Variants in MTMR2 observed in about 807,000 individuals in gnomAD.
The protein encoded by MTMR2 is phosphatidylinositol-3,5-bisphosphate 3-phosphatase MTMR2.
MTMR2 carries 55 observed loss-of-function variants against 86.9 expected under a neutral mutation model. The ratio of observed to expected loss-of-function variants is 0.63; its 90% CI spans 0.51 to 0.79. The LOEUF (loss-of-function observed/expected upper bound fraction) is 0.79, where lower values mean the gene tolerates loss of function less well. Among genes scored for constraint, MTMR2 ranks in the 30% least tolerant of loss-of-function variants. The pLI is 0.00. For synonymous variants in MTMR2, 241 were observed against 266.8 expected (o/e 0.90, Z 0.94); for missense variants, 659 against 772.3 (o/e 0.85, Z 1.74).
intron 12 of MTMR2, among the ~76,000 whole-genome samples, chr11:95,838,994 C>T (rs532587131): frequency 4.6e-5 from 7 of 151,964 alleles, no homozygotes; most frequent in South Asian, 2.1e-4. Flanking sequence ...TAGGGCTGTA[C>T]GTGATAAGAA....
chr11:95,873,556 A>G (rs1336895901), intron 2 of MTMR2, among the ~76,000 whole-genome samples: 1 of 152,034 alleles, frequency 6.6e-6, no homozygotes, highest in East Asian at 1.9e-4. Context: ...CAGCTCCTGG[A>G]TTCACTGATT....
intron 1 of MTMR2, among the ~76,000 whole-genome samples, chr11:95,889,082 T>C (rs2135551094): frequency 6.6e-6 from 1 of 152,210 alleles, no homozygotes; most frequent in South Asian, 2.1e-4. Flanking sequence ...ACTTCTTCCA[T>C]TATAAGTAAT....
At chr11:95,902,481 C>T (rs1290012536) in intron 1 of MTMR2, among the ~76,000 whole-genome samples, 1 of 152,258 alleles carries the variant, frequency 6.6e-6, no homozygotes, top group East Asian at 1.9e-4. Flanking sequence ...TTACAACTAT[C>T]CACATTAAAA....
intron 10 of MTMR2, among the ~76,000 whole-genome samples, chr11:95,847,190 T>C (rs1171045379): frequency 6.6e-6 from 1 of 152,174 alleles, no homozygotes; most frequent in African/African-American, 2.4e-5. Flanking sequence ...CTGATCAGAA[T>C]GGTTTTAACT....
At chr11:95,919,964 G>A (rs973502925) in intron 1 of MTMR2, among the ~76,000 whole-genome samples, 2 of 152,068 alleles carry the variant, frequency 1.3e-5, no homozygotes, top group Non-Finnish European at 2.9e-5. Context: ...ACCAGACTAA[G>A]ATGGCAGATT....
At chr11:95,908,028 C>A in intron 1 of MTMR2, 2 of 206,962 alleles carry the variant, frequency 9.7e-6, no homozygotes, top group Non-Finnish European at 2.0e-5. Flanking sequence ...GAAATAAAAG[C>A]ATCCAAATAA....
intron 10 of MTMR2, 103 bp from the exon 11 acceptor site, chr11:95,845,262 T>C (rs1300044165): frequency 9.9e-7 from 1 of 1,012,736 alleles, no homozygotes; most frequent in Non-Finnish European, 1.5e-6. Context: ...TTCAATAACA[T>C]GAGGAAAAAC....
chr11:95,920,245 A>T (rs1411339010), intron 1 of MTMR2, among the ~76,000 whole-genome samples: 1 of 152,208 alleles, frequency 6.6e-6, no homozygotes, highest in Non-Finnish European at 1.5e-5. Context: ...GATATACAAG[A>T]GTTGCTGAAC....
chr11:95,853,343 C>T (rs980753594), intron 7 of MTMR2, among the ~76,000 whole-genome samples: 3 of 152,056 alleles, frequency 2.0e-5, no homozygotes, highest in Admixed American at 2.0e-4. Flanking sequence ...CTTACCACCA[C>T]TTCCCTAATT....
At chr11:95,910,185 A>G (rs181138634) in intron 1 of MTMR2, among the ~76,000 whole-genome samples, 9 of 151,852 alleles carry the variant, frequency 5.9e-5, no homozygotes, top group Admixed American at 4.6e-4. Flanking sequence ...CAGAAGACAG[A>G]CCCAAAACTT....
chr11:95,879,625 C>T (rs907121707), intron 2 of MTMR2, among the ~76,000 whole-genome samples: 1 of 152,172 alleles, frequency 6.6e-6, no homozygotes, highest in African/African-American at 2.4e-5. Flanking sequence ...TATCACTCCA[C>T]CTACTATCGC....
chr11:95,902,889 A>G (rs1055159435), intron 1 of MTMR2, among the ~76,000 whole-genome samples: 6 of 152,162 alleles, frequency 3.9e-5, no homozygotes, highest in Non-Finnish European at 5.9e-5. Flanking sequence ...ACCTCATGCC[A>G]TCAGACTACA....
chr11:95,884,654 CTTTT>C (rs1282904777), intron 2 of MTMR2, among the ~76,000 whole-genome samples: 2 of 152,122 alleles, frequency 1.3e-5, no homozygotes, highest in Non-Finnish European at 2.9e-5. Context: ...GCAGGCTAGA[CTTTT>C]TTTAATTGTT....
rs186380748 is a variant in MTMR2, at chr11:95,857,602, G to C, written c.604C>G (p.Pro202Ala). Residue 202 changes from proline (P) to alanine (A), a missense_variant, in exon 7 of 15, where the codon CCT becomes GCT. Physicochemically the swap from Pro to Ala is conservative, Grantham distance 27. Around this residue, in one of 3 missense-constraint regions of MTMR2, gnomAD observed 387 missense variants for 526.3 expected, o/e 0.74. Coordinates refer to ENST00000346299, the MANE Select transcript of MTMR2 (RefSeq NM_016156.6). ...LFAFEYKEVF[P>A]ENGWKLYDPL... Reference sequence around the variant, plus strand: ...TCATATAGCTTCCACCCATTTTCAGGGAATACTTCTTTGTATTCAAAAGCA... The same window carrying C: ...TCATATAGCTTCCACCCATTTTCAGCGAATACTTCTTTGTATTCAAAAGCA... 448 of 1,612,234 alleles carry C rather than the reference G, an allele frequency of 2.8e-4. 1 individual carries two copies. The highest frequency in any genetic ancestry group is 4.5e-4 in the South Asian group (41 of 91,008).
chr11:95,847,997 C>T, intron 9 of MTMR2, 98 bp from the exon 10 acceptor site: 2 of 1,205,956 alleles, frequency 1.7e-6, no homozygotes, highest in Non-Finnish European at 2.4e-6. Context: ...ATACATATTA[C>T]TGGAGACAAG....
chr11:95,872,598 A>C (rs1338855995), intron 2 of MTMR2, among the ~76,000 whole-genome samples: 1 of 151,558 alleles, frequency 6.6e-6, no homozygotes, highest in Non-Finnish European at 1.5e-5. Context: ...AATTGAATAC[A>C]CTTTATTTCC....
At chr11:95,921,128 G>A (rs1441988186) in intron 1 of MTMR2, among the ~76,000 whole-genome samples, 2 of 152,152 alleles carry the variant, frequency 1.3e-5, no homozygotes, top group Non-Finnish European at 2.9e-5. Flanking sequence ...AGAGAAAGAC[G>A]CAGTTATATA....
At chr11:95,844,879 T>TAA in intron 11 of MTMR2, 74 bp downstream of exon 11, 1 of 1,354,632 alleles carries the variant, frequency 7.4e-7, no homozygotes. Context: ...TATCTTATTT[T>TAA]AAAAAACACA....
chr11:95,917,143 T>C (rs1179621475), intron 1 of MTMR2, among the ~76,000 whole-genome samples: 1 of 152,204 alleles, frequency 6.6e-6, no homozygotes, highest in African/African-American at 2.4e-5. Context: ...TATCCTTGAC[T>C]ATCACCTCTA....
Sources: allele counts gnomAD v4.1 joint callset (sites outside exome capture counted in the v4.1 genomes callset), GRCh38; gene constraint gnomAD v4.1.1; regional missense constraint gnomAD v4.1.1; transcripts MANE v1.5; gene names NCBI Gene and HGNC (gene_info 2026-07-23, HGNC 2026-07-21).